Variants in MAP3K21 observed in about 807,000 individuals in gnomAD.
MAP3K21 encodes mitogen-activated protein kinase kinase kinase 21, also known as mitogen-activated protein kinase kinase kinase MLK4.
In MAP3K21, 63 loss-of-function variants were observed where a neutral mutation model predicts 86.1. That is an observed-to-expected ratio of 0.73 (90% CI 0.60 to 0.90). MAP3K21 has a LOEUF of 0.90. MAP3K21 is among the 40% of genes least tolerant of loss of function. MAP3K21 has a pLI of 0.00. For missense variants in MAP3K21, 1,220 were observed against 1,367.7 expected (o/e 0.89, Z 1.70); for synonymous variants, 558 against 564.8 (o/e 0.99, Z 0.17).
At chr1:233,352,272 C>T (rs1456898173) in intron 2 of MAP3K21, among the ~76,000 whole-genome samples, 1 of 152,112 alleles carries the variant, frequency 6.6e-6, no homozygotes, top group Non-Finnish European at 1.5e-5. Flanking sequence ...GTGATCGGAT[C>T]AGGGTAATTA....
Position 233,328,533 on chromosome 1 carries a change from C to T in MAP3K21, c.505C>T (p.Arg169Trp). 2 of 1,531,262 alleles carry T rather than the reference C, an allele frequency of 1.3e-6. No homozygotes were observed. Among genetic ancestry groups the T allele is most frequent in the South Asian group, 1.2e-5 (1 of 83,492 alleles). 94.9% of individuals were successfully genotyped at this position (1,531,262 alleles called of 1,614,324 possible). ...CGCGGCGGCGGCTGCCGAGAGCGTG[C>T]GGCGCGAGGCTCGGCTCTTCGCCAT... The part of the protein sequence containing the change: ...QDAAAAAESV[R>W]REARLFAMLR... Residue 169 changes from arginine (R) to tryptophan (W), a missense_variant, in exon 1 of 10, where the codon CGG becomes TGG. By Grantham distance (101) the Arg-to-Trp change is moderately radical. Transcript: ENST00000366624. The surrounding 1 kb of genome is among the most constrained non-coding windows in gnomAD (Gnocchi z 8.7).
In MAP3K21 at chr1:233,372,067, T is replaced by C; in HGVS notation, c.1582T>C (p.Ser528Pro). 6.2e-7 allele frequency: 1 copy of C among 1,614,054 alleles called. No homozygotes were observed. The highest frequency in any genetic ancestry group is 1.3e-5 in the African/African-American group (1 of 75,030). ...CCAGCACAAGATAACCGTGCAGGCCTCTCCCAACTTGGACAAACGGCGGAG... is the reference window on the plus strand; with the variant it reads ...CCAGCACAAGATAACCGTGCAGGCCCCTCCCAACTTGGACAAACGGCGGAG... Reference protein sequence around the residue: ...DFQHKITVQASPNLDKRRSLN... With the variant: ...DFQHKITVQAPPNLDKRRSLN... Residue 528 changes from serine (S) to proline (P), a missense_variant, in exon 6 of 10, where the codon TCT becomes CCT. Physicochemically the swap from Ser to Pro is moderately conservative, Grantham distance 74. Coordinates refer to ENST00000366624, the MANE Select transcript of MAP3K21 (RefSeq NM_032435.3).
intron 4 of MAP3K21, among the ~76,000 whole-genome samples, chr1:233,356,234 A>G (rs922348708): frequency 6.6e-6 from 1 of 152,190 alleles, no homozygotes; most frequent in African/African-American, 2.4e-5. Context: ...GGCATAAGTC[A>G]TACTGTATTA....
chr1:233,356,421 A>G (rs1473405475), intron 4 of MAP3K21, among the ~76,000 whole-genome samples: 2 of 152,186 alleles, frequency 1.3e-5, no homozygotes, highest in African/African-American at 4.8e-5. Context: ...GTCTATTTTA[A>G]TAATTGAGAT....
In MAP3K21 at chr1:233,339,331, C is replaced by T. The variant is rs1428421364; in HGVS notation, c.806-7111C>T. ...CTTCTTCTTCCTCTTCTTCTTCTTC[C>T]TCTTCTTCTCCCTCTTCTCCCTCTT... On this transcript the variant is annotated intron_variant, in intron 1 of 9. Coordinates refer to ENST00000366624, the MANE Select transcript of MAP3K21 (RefSeq NM_032435.3). Among the ~76,000 whole-genome samples the T allele has an allele frequency of 3.0e-3, 295 of 98,008 alleles. 12 individuals carry two copies. Among genetic ancestry groups the T allele is most frequent in the Middle Eastern group, 6.3e-3 (1 of 160 alleles). 64.3% of individuals were successfully genotyped at this position (98,008 alleles called of 152,430 possible).
At position 233,382,326 on chromosome 1, in the gene MAP3K21, C is replaced by T. The variant is rs768819530; in HGVS notation, c.2726C>T (p.Ala909Val). 6.2e-7 allele frequency: 1 copy of T among 1,613,360 alleles called. No individual in the cohort carries two copies. Among genetic ancestry groups the T allele is most frequent in the Non-Finnish European group, 8.5e-7 (1 of 1,179,488 alleles). The change falls in exon 10 of 10, where the codon GCC becomes GTC. Residue 909 changes from alanine (A) to valine (V), a missense_variant. This residue lies in a region of MAP3K21 where 632 missense variants were observed against 691.3 expected (regional missense o/e 0.91). Transcript: ENST00000366624. ...PTPTGATIIS[A>V]TGASALPLCP... Reference sequence around the variant, plus strand: ...CCAGCTGGTGCAACTATTATCTCAGCCACTGGAGCCTCTGCACTGCCACTC... The same window carrying T: ...CCAGCTGGTGCAACTATTATCTCAGTCACTGGAGCCTCTGCACTGCCACTC...
intron 1 of MAP3K21, among the ~76,000 whole-genome samples, chr1:233,331,395 C>T (rs1314129628): frequency 1.3e-5 from 2 of 152,122 alleles, no homozygotes; most frequent in Non-Finnish European, 2.9e-5. Flanking sequence ...ACCATGGTGC[C>T]TCATACATGG....
intron 1 of MAP3K21, among the ~76,000 whole-genome samples, chr1:233,336,868 T>C (rs906539510): frequency 6.6e-6 from 1 of 152,256 alleles, no homozygotes; most frequent in Non-Finnish European, 1.5e-5. Context: ...GGCTACAGAC[T>C]ATATCCAAAT....
At chr1:233,341,831 A>G (rs1371025229) in intron 1 of MAP3K21, among the ~76,000 whole-genome samples, 8 of 152,150 alleles carry the variant, frequency 5.3e-5, no homozygotes, top group Non-Finnish European at 8.8e-5. Flanking sequence ...TGAGGAGATA[A>G]TGTGTATAAA....
chr1:233,364,472 T>G (rs1347049022), intron 5 of MAP3K21, among the ~76,000 whole-genome samples: 4 of 152,218 alleles, frequency 2.6e-5, no homozygotes, highest in African/African-American at 9.6e-5. Context: ...ATTAAGAAGC[T>G]GATGGAAAGG....
In MAP3K21 at chr1:233,376,027, A is replaced by G; in HGVS notation, c.1787A>G (p.Asn596Ser). The G allele has an allele frequency of 6.2e-7, 1 of 1,609,064 alleles. No individual in the cohort carries two copies. Among genetic ancestry groups the G allele is most frequent in the Non-Finnish European group, 8.5e-7 (1 of 1,178,752 alleles). Residue 596 changes from asparagine (N) to serine (S), a missense_variant, in exon 7 of 10, where the codon AAT (asparagine) becomes AGT (serine). Transcript: ENST00000366624. ...FKKKGCTWGP[N>S]SIQMKDRTDC... ...AAAAAAGGTTGTACCTGGGGACCAA[A>G]TTCCATTCAAATGAAAGATAGAACA...
chr1:233,363,618 C>G (rs1432622445), intron 5 of MAP3K21, among the ~76,000 whole-genome samples: 9 of 151,028 alleles, frequency 6.0e-5, no homozygotes, highest in Admixed American at 5.3e-4. Flanking sequence ...GGGAGAATCA[C>G]TTGAACCTGG....
Position 233,379,356 on chromosome 1 carries a change from T to A in MAP3K21, c.2350T>A (p.Cys784Ser), listed in dbSNP as rs963981. 5.9e-5 allele frequency: 96 copies of A among 1,613,982 alleles called. No homozygotes were observed. The highest frequency in any genetic ancestry group is 1.6e-4 in the South Asian group (15 of 91,086). ...ASPPTSLPST[C>S]GEASSPPSLP... ...TCCTCCCACAAGCCTGCCATCCACC[T>A]GTGGGGAGGCCAGCAGCCCACCCTC... Residue 784 changes from cysteine to serine, a missense_variant, in exon 9 of 10, where the codon TGT (cysteine) becomes AGT (serine). Physicochemically the swap from Cys to Ser is moderately radical, Grantham distance 112 (BLOSUM62 -1). Coordinates refer to ENST00000366624, the MANE Select transcript of MAP3K21 (RefSeq NM_032435.3).
chr1:233,356,406 C>T (rs916344165), intron 4 of MAP3K21, among the ~76,000 whole-genome samples: 1 of 151,980 alleles, frequency 6.6e-6, no homozygotes. Flanking sequence ...TAATATATGC[C>T]TGATGTCTAT....
chr1:233,375,717 T>G, intron 6 of MAP3K21, 199 bp from the exon 7 acceptor site: 1 of 527,366 alleles, frequency 1.9e-6, no homozygotes. Flanking sequence ...TCTGTTAACT[T>G]ACTCCATTTT....
chr1:233,357,782 G>A lies in MAP3K21; in HGVS notation c.1311+2771G>A, dbSNP rs943722385. 4.6e-5 allele frequency among the ~76,000 whole-genome samples: 7 copies of A among 152,312 alleles called. No individual in the cohort carries two copies. The East Asian group carries it at 1.4e-3, about 29-fold the overall frequency. ...GGAGGACTTTCAAGTAGGGAGAGAA[G>A]AAACCAGTTGCTTGTTATTCCAGAG... On this transcript the variant is annotated intron_variant, in intron 4 of 9. Transcript: ENST00000366624.
Position 233,328,571 on chromosome 1 carries a change from C to G in MAP3K21, c.543C>G (p.Pro181=). The G allele has an allele frequency of 6.5e-7, 1 of 1,530,900 alleles. No homozygotes were observed. The highest frequency in any genetic ancestry group is 8.7e-7 in the Non-Finnish European group (1 of 1,149,688). The allele number at this position is 1,530,900 out of a possible 1,614,324, so 94.8% of individuals were successfully genotyped here. A position where few individuals can be genotyped will look rare whatever the true frequency, so the allele number is the denominator to read the frequency against. The part of the protein sequence containing the change: ...EARLFAMLRH[P]NIIELRGVCL... The stretch of plus-strand genomic sequence containing the variant: ...GGCTCTTCGCCATGCTGCGGCACCC[C>G]AACATCATCGAGCTGCGCGGCGTGT... The change falls in exon 1 of 10, where the codon CCC becomes CCG. Residue 181 remains proline (P), a synonymous_variant. Transcript: ENST00000366624. This position sits in a 1 kb window ranked among gnomAD's most constrained non-coding sequence, Gnocchi z 8.7.
chr1:233,363,876 C>G (rs1294256), intron 5 of MAP3K21, among the ~76,000 whole-genome samples: 1 of 149,322 alleles, frequency 6.7e-6, no homozygotes, highest in African/African-American at 2.5e-5. Context: ...TAGCTGGGCA[C>G]GGGGGCGGGT....
In MAP3K21 at chr1:233,354,974, T is replaced by C. The variant is rs1227585366; in HGVS notation, c.1274T>C (p.Ile425Thr). ...HSMQDDWKLE[I>T]QQMFDELRTK... ...ATGCAAGATGACTGGAAACTAGAAA[T>C]TCAACAAATGTTTGATGAGTTGAGA... Residue 425 changes from isoleucine (I) to threonine (T), a missense_variant, in exon 4 of 10, where the codon ATT (isoleucine) becomes ACT (threonine). Physicochemically the swap from Ile to Thr is moderately conservative, Grantham distance 89. Coordinates refer to ENST00000366624, the MANE Select transcript of MAP3K21 (RefSeq NM_032435.3). 5.0e-6 allele frequency: 8 copies of C among 1,613,878 alleles called. No homozygotes were observed. Among genetic ancestry groups the C allele is most frequent in the East Asian group, 4.5e-5 (2 of 44,878 alleles).
Sources: gnomAD v4.1 joint callset for allele counts (sites outside exome capture counted in the v4.1 genomes callset) on GRCh38, gnomAD v4.1.1 for gene constraint, gnomAD v4.1.1 regional missense constraint, Gnocchi (gnomAD v3.1) non-coding constraint, MANE v1.5 for transcripts, NCBI Gene and HGNC (gene_info 2026-07-23, HGNC 2026-07-21) for gene names.